Variants in TRIP12 observed in about 807,000 individuals in gnomAD.
TRIP12 encodes E3 ubiquitin-protein ligase TRIP12.
In TRIP12, 25 loss-of-function variants were observed where a neutral mutation model predicts 244.2. That is an observed-to-expected ratio of 0.10 (90% confidence interval 0.07 to 0.14). The LOEUF is 0.14. Ranked by LOEUF, TRIP12 falls within the 10% of genes least tolerant of loss-of-function variation. TRIP12 has a pLI of 1.00. For synonymous variants in TRIP12, 905 were observed against 873.1 expected, an observed-to-expected ratio of 1.04 and a Z score of -0.64; for missense variants, 1,677 against 2,486.4, an observed-to-expected ratio of 0.67 and a Z score of 6.92.
At chr2:229,792,919 A>C (rs1056662401) in intron 27 of TRIP12, 54 bp downstream of exon 27, 7 of 1,536,786 alleles carry the variant, frequency 4.6e-6, no homozygotes, top group Non-Finnish European at 6.2e-6. Flanking sequence ...CTCTTAATGT[A>C]AATTTCTCCC....
At chr2:229,781,518 A>T (rs1176490069) in intron 34 of TRIP12, among the ~76,000 whole-genome samples, 1 of 152,236 alleles carries the variant, frequency 6.6e-6, no homozygotes, top group Non-Finnish European at 1.5e-5. Context: ...CATAGCCAGT[A>T]AGTGGGCAGG....
At chr2:229,901,027 G>A (rs1259663596) in intron 1 of TRIP12, among the ~76,000 whole-genome samples, 7 of 150,154 alleles carry the variant, frequency 4.7e-5, no homozygotes, top group South Asian at 2.1e-4. Flanking sequence ...TCCGTCTCCC[G>A]GGCTCAAGCA....
chr2:229,833,908 T>G (rs1457099876), intron 6 of TRIP12, among the ~76,000 whole-genome samples: 1 of 152,152 alleles, frequency 6.6e-6, no homozygotes, highest in Non-Finnish European at 1.5e-5. Flanking sequence ...AGCCTCTGGC[T>G]AATTTAAGTA....
In TRIP12 at chr2:229,765,943, G is replaced by T. The variant is rs2031574705; in HGVS notation, c.*1611C>A. On this transcript the variant is annotated 3_prime_UTR_variant, in exon 42 of 42. Coordinates refer to ENST00000675903, the MANE Select transcript of TRIP12 (RefSeq NM_001348323.3). ...GGTCACTGCCCAAGTGAACTCTCAG[G>T]AGGGGACATTTCCATATAAGGCCAT... 1 of 152,078 alleles carries T rather than the reference G, an allele frequency of 6.6e-6. No individual in the cohort carries two copies. Among genetic ancestry groups the T allele is most frequent in the Non-Finnish European group, 1.5e-5 (1 of 68,014 alleles). The allele number at this position is 152,078 out of a possible 1,614,324, so 9.4% of individuals were successfully genotyped here.
At chr2:229,795,856 T>C (rs2042682538) in intron 25 of TRIP12, among the ~76,000 whole-genome samples, 1 of 152,226 alleles carries the variant, frequency 6.6e-6, no homozygotes, top group Admixed American at 6.5e-5. Flanking sequence ...CAATAAATAC[T>C]AACTTTGCTT....
chr2:229,832,036 T>G (rs1395998070), intron 6 of TRIP12, among the ~76,000 whole-genome samples: 1 of 152,124 alleles, frequency 6.6e-6, no homozygotes, highest in Non-Finnish European at 1.5e-5. Context: ...GAATAACATA[T>G]GCGAGTTTAA....
intron 2 of TRIP12, among the ~76,000 whole-genome samples, chr2:229,877,027 G>C (rs2063723665): frequency 6.6e-6 from 1 of 151,694 alleles, no homozygotes; most frequent in African/African-American, 2.4e-5. Flanking sequence ...ATGATACTAG[G>C]TTGGTGCAAA....
chr2:229,886,297 CT>C (rs1233651875), intron 1 of TRIP12, among the ~76,000 whole-genome samples: 1 of 152,002 alleles, frequency 6.6e-6, no homozygotes, highest in East Asian at 1.9e-4. Flanking sequence ...AATTTACTGC[CT>C]TTTTTTCCAG....
At chr2:229,772,885 A>C (rs2034936496) in intron 38 of TRIP12, among the ~76,000 whole-genome samples, 1 of 152,180 alleles carries the variant, frequency 6.6e-6, no homozygotes, top group Non-Finnish European at 1.5e-5. Context: ...GGTCAGTTCA[A>C]GGGGTAGATA....
At chr2:229,877,746 T>C (rs950720441) in intron 2 of TRIP12, among the ~76,000 whole-genome samples, 3 of 151,926 alleles carry the variant, frequency 2.0e-5, no homozygotes, top group African/African-American at 7.3e-5. Flanking sequence ...TGCACATACA[T>C]AATGTACATC....
intron 4 of TRIP12, among the ~76,000 whole-genome samples, chr2:229,850,395 T>C (rs2058433998): frequency 6.6e-6 from 1 of 152,240 alleles, no homozygotes; most frequent in East Asian, 1.9e-4. Context: ...TAAATTACTT[T>C]AATAGCTGCC....
Position 229,859,296 on chromosome 2 carries a change from T to G in TRIP12, c.503A>C (p.Gln168Pro). Residue 168 changes from glutamine to proline, a missense_variant, in exon 4 of 42, where the codon CAA becomes CCA. Physicochemically the swap from Gln to Pro is moderately conservative, Grantham distance 76. This residue lies in a region of TRIP12 where 387 missense variants were observed against 392.6 expected (regional missense o/e 0.99). Transcript: ENST00000675903. ...LDQEQQLKSAQSPSTSKAHTR... is the reference protein window; with the variant it reads ...LDQEQQLKSAPSPSTSKAHTR... Reference sequence around the variant, plus strand: ...ATGAGCCTTGCTTGTTGATGGTGATTGTGCAGATTTCAGTTGTTGCTCCTG... The same window carrying G: ...ATGAGCCTTGCTTGTTGATGGTGATGGTGCAGATTTCAGTTGTTGCTCCTG... The G allele has an allele frequency of 6.2e-7, 1 of 1,614,240 alleles. No homozygotes were observed. The highest frequency in any genetic ancestry group is 8.5e-7 in the Non-Finnish European group (1 of 1,180,046).
chr2:229,831,884 T>TG (rs1553657377), intron 6 of TRIP12, among the ~76,000 whole-genome samples: 1 of 116,660 alleles, frequency 8.6e-6, no homozygotes, highest in East Asian at 2.4e-4. Flanking sequence ...GTTTGTTTTT[T>TG]GGGTTTTTTT....
intron 1 of TRIP12, among the ~76,000 whole-genome samples, chr2:229,898,271 A>T (rs2069470765): frequency 6.6e-6 from 1 of 152,174 alleles, no homozygotes; most frequent in Non-Finnish European, 1.5e-5. Context: ...TATTTTTTAC[A>T]CCTCCAAATT....
intron 24 of TRIP12, 56 bp downstream of exon 24, chr2:229,797,634 C>G (rs1162926320): frequency 3.1e-6 from 5 of 1,590,564 alleles, no homozygotes; most frequent in Non-Finnish European, 4.3e-6. Flanking sequence ...AAAAGAGTAG[C>G]AGGAGATGCT....
intron 2 of TRIP12, among the ~76,000 whole-genome samples, chr2:229,877,644 A>G (rs1056822874): frequency 1.3e-5 from 2 of 152,220 alleles, no homozygotes; most frequent in Non-Finnish European, 2.9e-5. Flanking sequence ...ATAGCCCACA[A>G]TGATTGTCAG....
chr2:229,793,046 C>A lies in TRIP12; in HGVS notation c.4068G>T (p.Gln1356His). The stretch of plus-strand genomic sequence containing the variant: ...CAATCTTGACAGGTCCACCCTTCCA[C>A]TGCTTCACATTTGCACAGTCTGGAT... ...QRHPDCANVK[Q>H]WKGGPVKIDP... The change falls in exon 27 of 42, where the codon CAG becomes CAT. Residue 1356 changes from glutamine to histidine, a missense_variant. Physicochemically the swap from Gln to His is conservative, Grantham distance 24. Around this residue, in one of 11 missense-constraint regions of TRIP12, gnomAD observed 265 missense variants for 370.8 expected, o/e 0.71. Coordinates refer to ENST00000675903, the MANE Select transcript of TRIP12 (RefSeq NM_001348323.3). The A allele has an allele frequency of 6.2e-7, 1 of 1,614,032 alleles. No homozygotes were observed. The highest frequency in any genetic ancestry group is 8.5e-7 in the Non-Finnish European group (1 of 1,179,954).
At chr2:229,843,032 TTC>T (rs922040104) in intron 4 of TRIP12, among the ~76,000 whole-genome samples, 2 of 151,538 alleles carry the variant, frequency 1.3e-5, no homozygotes, top group African/African-American at 4.8e-5. Context: ...TTGTAGGTAA[TTC>T]TCTCTTATTC....
intron 36 of TRIP12, among the ~76,000 whole-genome samples, chr2:229,777,690 C>A (rs576455911): frequency 2.0e-4 from 30 of 152,124 alleles, no homozygotes; most frequent in Non-Finnish European, 4.1e-4. Context: ...GTCTGTATTA[C>A]TGAATATCCC....
Sources: allele counts gnomAD v4.1 joint callset (sites outside exome capture counted in the v4.1 genomes callset), GRCh38; gene constraint gnomAD v4.1.1; regional missense constraint gnomAD v4.1.1; transcripts MANE v1.5; gene names NCBI Gene and HGNC (gene_info 2026-07-23, HGNC 2026-07-21).